Variants in NCKAP5 observed in about 807,000 individuals in gnomAD.
NCKAP5 encodes the protein nck-associated protein 5.
In NCKAP5, 92 loss-of-function variants were observed where a neutral mutation model predicts 167.0. The ratio of observed to expected loss-of-function variants is 0.55; its 90% confidence interval spans 0.47 to 0.66. The LOEUF (loss-of-function observed/expected upper bound fraction) is 0.66, where lower values mean the gene tolerates loss of function less well. Ranked by LOEUF, NCKAP5 falls within the 30% of genes least tolerant of loss-of-function variation. The pLI, the probability that NCKAP5 is intolerant of heterozygous loss-of-function variation, is 0.00. For synonymous variants in NCKAP5, 891 were observed against 877.4 expected (o/e 1.02, Z -0.27); for missense variants, 2,378 against 2,315.0 (o/e 1.03, Z -0.56).
At chr2:132,939,442 C>T (rs1373139545) in intron 8 of NCKAP5, among the ~76,000 whole-genome samples, 1 of 152,204 alleles carries the variant, frequency 6.6e-6, no homozygotes, top group Non-Finnish European at 1.5e-5. Flanking sequence ...TTTCTGGCCC[C>T]TCTCTGCATT....
intron 19 of NCKAP5, among the ~76,000 whole-genome samples, chr2:132,685,998 G>A (rs567325316): frequency 4.6e-5 from 7 of 152,264 alleles, no homozygotes; most frequent in Admixed American, 4.6e-4. Flanking sequence ...GGAGAGTCAG[G>A]AGGTGAGGAA....
At chr2:132,810,032 T>C (rs899768043) in intron 11 of NCKAP5, among the ~76,000 whole-genome samples, 1 of 152,222 alleles carries the variant, frequency 6.6e-6, no homozygotes, top group Non-Finnish European at 1.5e-5. Context: ...GTATCTTTCC[T>C]TCATATACGA....
chr2:132,934,607 C>G (rs1281411609), intron 8 of NCKAP5, among the ~76,000 whole-genome samples: 2 of 151,866 alleles, frequency 1.3e-5, no homozygotes, highest in Non-Finnish European at 2.9e-5. Context: ...TAAACGATGA[C>G]CCCACACTAA....
chr2:132,735,882 T>C (rs1691461345), intron 16 of NCKAP5, among the ~76,000 whole-genome samples: 1 of 152,090 alleles, frequency 6.6e-6, no homozygotes, highest in Admixed American at 6.5e-5. Flanking sequence ...ATGTTGAAGG[T>C]GGTCTAAGTC....
intron 3 of NCKAP5, among the ~76,000 whole-genome samples, chr2:133,388,090 C>A (rs953346777): frequency 2.6e-5 from 4 of 152,258 alleles, no homozygotes; most frequent in Non-Finnish European, 5.9e-5. Context: ...TGGTGAGGAG[C>A]TGTGTTCCTT....
chr2:133,137,177 T>C (rs2082817455), intron 5 of NCKAP5, among the ~76,000 whole-genome samples: 1 of 152,170 alleles, frequency 6.6e-6, no homozygotes, highest in Non-Finnish European at 1.5e-5. Flanking sequence ...CTGAATTCAA[T>C]ATCCCCATTA....
intron 19 of NCKAP5, among the ~76,000 whole-genome samples, chr2:132,712,449 G>A (rs181093223): frequency 4.2e-3 from 642 of 152,058 alleles, no homozygotes; most frequent in Middle Eastern, 6.8e-3. Context: ...CAGGAGATTG[G>A]GACCATCCTG....
intron 4 of NCKAP5, among the ~76,000 whole-genome samples, chr2:133,240,437 A>AC (rs1001640325): frequency 3.9e-5 from 6 of 152,140 alleles, no homozygotes; most frequent in Admixed American, 1.3e-4. Flanking sequence ...CGTACACTTC[A>AC]CCCTTGCATG....
At chr2:133,655,365 G>A in the NCKAP5 span, among the ~76,000 whole-genome samples, 2 of 152,172 alleles carry the variant, frequency 1.3e-5, no homozygotes, top group East Asian at 1.9e-4. Context: ...TTTTGATGTG[G>A]TTTCAAGTTA....
chr2:133,038,043 A>G (rs1169414101), intron 6 of NCKAP5, among the ~76,000 whole-genome samples: 2 of 152,178 alleles, frequency 1.3e-5, no homozygotes, highest in African/African-American at 4.8e-5. Context: ...ACAACCACTA[A>G]GGAGAATAGT....
chr2:132,691,210 A>T (rs1573883230), intron 19 of NCKAP5, among the ~76,000 whole-genome samples: 2 of 152,118 alleles, frequency 1.3e-5, no homozygotes, highest in Non-Finnish European at 2.9e-5. Context: ...TGACCACATT[A>T]GTTTCCCAAC....
Position 132,782,942 on chromosome 2 carries a change from G to C in NCKAP5, c.3869C>G (p.Pro1290Arg), listed in dbSNP as rs375653673. The change falls in exon 14 of 20, where the codon CCC becomes CGC. Residue 1290 changes from proline to arginine, a missense_variant. Around this residue, in one of 3 missense-constraint regions of NCKAP5, gnomAD observed 1,325 missense variants for 1,274.5 expected, o/e 1.04. Transcript: ENST00000409261. ...THSGDKPSTP[P>R]IEGSGKVRTQ... ...GCGGACTTTGCCTGACCCTTCGATG[G>C]GGGGCGTAGAAGGCTTGTCTCCTGA... The C allele has an allele frequency of 3.1e-6, 5 of 1,613,916 alleles. No individual in the cohort carries two copies. The highest frequency in any genetic ancestry group is 3.4e-6 in the Non-Finnish European group (4 of 1,179,900).
intron 3 of NCKAP5, among the ~76,000 whole-genome samples, chr2:133,474,324 AC>A (rs1679653674): frequency 6.6e-6 from 1 of 152,198 alleles, no homozygotes; most frequent in Non-Finnish European, 1.5e-5. Context: ...ACATGATTTC[AC>A]TTATATGTGA....
intron 3 of NCKAP5, among the ~76,000 whole-genome samples, chr2:133,345,363 CA>C (rs1182075236): frequency 6.6e-6 from 1 of 152,068 alleles, no homozygotes; most frequent in African/African-American, 2.4e-5. Context: ...AAAGATACTC[CA>C]TTTTCATCAT....
chr2:133,639,776 A>G, the NCKAP5 span, among the ~76,000 whole-genome samples: 1 of 152,134 alleles, frequency 6.6e-6, no homozygotes, highest in Admixed American at 6.5e-5. Context: ...CTTTCCTAAC[A>G]ATGAGTCACT....
At chr2:133,476,550 A>T (rs1679918397) in intron 3 of NCKAP5, among the ~76,000 whole-genome samples, 1 of 152,174 alleles carries the variant, frequency 6.6e-6, no homozygotes, top group South Asian at 2.1e-4. Context: ...ATGGCCCTAC[A>T]TATTGCCTTC....
chr2:133,079,469 C>T (rs116269089), intron 6 of NCKAP5, among the ~76,000 whole-genome samples: 1 of 152,130 alleles, frequency 6.6e-6, no homozygotes, highest in African/African-American at 2.4e-5. Context: ...ACCAACTCAG[C>T]AGCAATGTTA....
chr2:132,849,591 A>T (rs1317954841), intron 11 of NCKAP5, among the ~76,000 whole-genome samples: 1 of 152,198 alleles, frequency 6.6e-6, no homozygotes, highest in Non-Finnish European at 1.5e-5. Flanking sequence ...TGCAGGTCAC[A>T]AATCTCACAA....
chr2:133,366,961 A>C (rs1446753904), intron 3 of NCKAP5, among the ~76,000 whole-genome samples: 2 of 152,222 alleles, frequency 1.3e-5, no homozygotes, highest in Non-Finnish European at 2.9e-5. Flanking sequence ...ACGTAAAGAC[A>C]CTGAAAATGA....
Sources: allele counts gnomAD v4.1 joint callset (sites outside exome capture counted in the v4.1 genomes callset), GRCh38; gene constraint gnomAD v4.1.1; regional missense constraint gnomAD v4.1.1; transcripts MANE v1.5; gene names NCBI Gene and HGNC (gene_info 2026-07-23, HGNC 2026-07-21).